Variants in FGF12 observed in about 807,000 individuals in gnomAD.
FGF12 encodes fibroblast growth factor 12B.
Under a neutral mutation model 23.6 loss-of-function variants are expected in FGF12, and 14 were observed. That is an observed-to-expected ratio of 0.59 (90% CI 0.39 to 0.93). FGF12 has a LOEUF of 0.93. Ranked by LOEUF, FGF12 falls within the 40% of genes least tolerant of loss-of-function variation. The pLI is 0.00. For missense variants in FGF12, 175 were observed against 217.8 expected (o/e 0.80, Z 1.24); for synonymous variants, 62 against 77.3 (o/e 0.80, Z 1.04).
At chr3:192,422,113 G>A (rs1366435376) in intron 2 of FGF12, among the ~76,000 whole-genome samples, 1 of 151,798 alleles carries the variant, frequency 6.6e-6, no homozygotes, top group African/African-American at 2.4e-5. Flanking sequence ...ATAACTGTTG[G>A]TGAACAGTTT....
At chr3:192,685,302 C>T (rs918904850) in intron 2 of FGF12, among the ~76,000 whole-genome samples, 2 of 152,198 alleles carry the variant, frequency 1.3e-5, no homozygotes, top group South Asian at 2.1e-4. Context: ...CCGCCCGCCT[C>T]GGCCTCCCAA....
At chr3:192,719,686 T>C (rs1287867132) in intron 2 of FGF12, among the ~76,000 whole-genome samples, 1 of 151,664 alleles carries the variant, frequency 6.6e-6, no homozygotes, top group Non-Finnish European at 1.5e-5. Context: ...ATTTTCCAGA[T>C]TTAAACAATT....
intron 2 of FGF12, among the ~76,000 whole-genome samples, chr3:192,420,193 A>C (rs145455134): frequency 6.6e-6 from 1 of 152,148 alleles, no homozygotes; most frequent in African/African-American, 2.4e-5. Context: ...GAACCAAAGG[A>C]AAATGGTCGG....
In FGF12 at chr3:192,319,265, T is replaced by G. The variant is rs116840610; in HGVS notation, c.228+16096A>C. Among the ~76,000 whole-genome samples, 592 of 152,250 alleles carry G rather than the reference T, an allele frequency of 3.9e-3. 1 individual carries two copies. The highest frequency in any genetic ancestry group is 0.014 in the African/African-American group (569 of 41,548). ...AATTGTGGTGTATAAACTATTCATA[T>G]CCTGAAAAGGAAGACTAAAACATGA... On this transcript the variant is annotated intron_variant, in intron 4 of 5. Coordinates refer to ENST00000445105, the MANE Select transcript of FGF12 (RefSeq NM_004113.6).
chr3:192,160,936 T>C lies in FGF12; in HGVS notation c.427+9522A>G, dbSNP rs143043716. On this transcript the variant is annotated intron_variant, in intron 5 of 5. Coordinates refer to ENST00000445105, the MANE Select transcript of FGF12 (RefSeq NM_004113.6). ...TTGACACAAATGGAGCAAGGAATAC[T>C]ATACGGTAGACAATATTTATCAAGC... Among the ~76,000 whole-genome samples the C allele has an allele frequency of 3.4e-3, 515 of 152,246 alleles. 1 individual carries two copies. Among genetic ancestry groups the C allele is most frequent in the African/African-American group, 0.011 (441 of 41,536 alleles).
intron 4 of FGF12, among the ~76,000 whole-genome samples, chr3:192,300,945 G>C (rs367552824): frequency 6.6e-6 from 1 of 152,228 alleles, no homozygotes; most frequent in South Asian, 2.1e-4. Flanking sequence ...TTGAATCCGG[G>C]AGTCGAGATC....
At chr3:192,494,114 T>C (rs1474002887) in intron 2 of FGF12, among the ~76,000 whole-genome samples, 3 of 152,204 alleles carry the variant, frequency 2.0e-5, no homozygotes, top group African/African-American at 7.2e-5. Flanking sequence ...TAACCAAGTA[T>C]GTCTTGCATC....
At chr3:192,572,186 G>A (rs762227768) in intron 2 of FGF12, among the ~76,000 whole-genome samples, 41 of 152,014 alleles carry the variant, frequency 2.7e-4, no homozygotes, top group Non-Finnish European at 4.6e-4. Context: ...ATTTCTTCTC[G>A]AAAGAGACTT....
At chr3:192,512,524 G>C (rs910114555) in intron 2 of FGF12, among the ~76,000 whole-genome samples, 3 of 151,776 alleles carry the variant, frequency 2.0e-5, no homozygotes, top group African/African-American at 4.8e-5. Flanking sequence ...CAATCTATTA[G>C]GTAGGTACCA....
At chr3:192,590,677 A>G (rs542867214) in intron 2 of FGF12, among the ~76,000 whole-genome samples, 7 of 152,020 alleles carry the variant, frequency 4.6e-5, no homozygotes, top group African/African-American at 1.4e-4. Flanking sequence ...TTGGATCACA[A>G]TTACTCATGT....
chr3:192,555,650 A>G lies in FGF12; in HGVS notation c.13+171531T>C, dbSNP rs968744304. Among the ~76,000 whole-genome samples, 448 of 112,970 alleles carry G rather than the reference A, an allele frequency of 4.0e-3. 4 individuals carry two copies. Among genetic ancestry groups the G allele is most frequent in the African/African-American group, 0.014 (429 of 31,598 alleles). The allele number at this position is 112,970 out of a possible 152,430, so 74.1% of individuals were successfully genotyped here. A position where few individuals can be genotyped will look rare whatever the true frequency, so the allele number is the denominator to read the frequency against. On this transcript the variant is annotated intron_variant, in intron 2 of 5. Coordinates refer to ENST00000445105, the MANE Select transcript of FGF12 (RefSeq NM_004113.6). ...AGTACCAAAAAAAAAAAAAAAAAAAAGGCCAGGTGTAGTGGCAGGTGCCTG... is the reference window on the plus strand; with the variant it reads ...AGTACCAAAAAAAAAAAAAAAAAAAGGGCCAGGTGTAGTGGCAGGTGCCTG...
At chr3:192,391,371 T>C (rs930593451) in intron 2 of FGF12, among the ~76,000 whole-genome samples, 5 of 152,224 alleles carry the variant, frequency 3.3e-5, no homozygotes, top group Non-Finnish European at 4.4e-5. Context: ...AAATCTCTTA[T>C]GAAAATCCTA....
intron 4 of FGF12, among the ~76,000 whole-genome samples, chr3:192,286,221 T>G (rs989420292): frequency 2.0e-5 from 3 of 152,010 alleles, no homozygotes; most frequent in Non-Finnish European, 2.9e-5. Flanking sequence ...AAGTTTTCCA[T>G]TACATGTGCT....
intron 4 of FGF12, among the ~76,000 whole-genome samples, chr3:192,180,170 G>A (rs1296571960): frequency 6.6e-6 from 1 of 151,590 alleles, no homozygotes; most frequent in Non-Finnish European, 1.5e-5. Context: ...TTGGAGATAA[G>A]TGATGTGGTA....
chr3:192,515,562 G>A (rs956401779), intron 2 of FGF12: 1 of 152,560 alleles, frequency 6.6e-6, no homozygotes, highest in Non-Finnish European at 1.5e-5. Context: ...GGGGAAGAGG[G>A]TGTGAGATAG....
intron 2 of FGF12, among the ~76,000 whole-genome samples, chr3:192,702,722 G>T (rs541634365): frequency 8.5e-5 from 13 of 152,210 alleles, no homozygotes; most frequent in Middle Eastern, 3.4e-3. Flanking sequence ...AACCCGGGAG[G>T]AGGAGATTGC....
chr3:192,365,417 G>A (rs891556197), intron 2 of FGF12, among the ~76,000 whole-genome samples: 9 of 151,954 alleles, frequency 5.9e-5, no homozygotes, highest in African/African-American at 1.9e-4. Context: ...AAAAATGAAG[G>A]AAATCTGAAT....
chr3:192,570,506 C>T (rs1391017298), intron 2 of FGF12, among the ~76,000 whole-genome samples: 1 of 152,156 alleles, frequency 6.6e-6, no homozygotes, highest in African/African-American at 2.4e-5. Flanking sequence ...GGGATTTCAT[C>T]ATAGTCACCT....
At chr3:192,156,652 G>A (rs1209954709) in intron 5 of FGF12, among the ~76,000 whole-genome samples, 3 of 150,258 alleles carry the variant, frequency 2.0e-5, no homozygotes, top group African/African-American at 7.5e-5. Flanking sequence ...TGATCAAGCC[G>A]CTTGCCCTCT....
Sources: allele counts gnomAD v4.1 joint callset (sites outside exome capture counted in the v4.1 genomes callset), GRCh38; gene constraint gnomAD v4.1.1; transcripts MANE v1.5; gene names NCBI Gene and HGNC (gene_info 2026-07-23, HGNC 2026-07-21).